PSG6: variants seen among roughly 807,000 people sequenced by gnomAD.
The protein encoded by PSG6 is pregnancy-specific beta-1-glycoprotein 6.
PSG6 carries 51 observed loss-of-function variants against 43.3 expected under a neutral mutation model. The ratio of observed to expected loss-of-function variants is 1.18; its 90% CI spans 0.94 to 1.49. PSG6 has a LOEUF of 1.49. Ranked by LOEUF, PSG6 falls within the 40% of genes most tolerant of loss-of-function variation. PSG6 has a pLI of 0.00. For missense variants in PSG6, 770 were observed against 522.2 expected (o/e 1.47, Z -4.62); for synonymous variants, 292 against 197.6 (o/e 1.48, Z -4.01).
intron 3 of PSG6, among the ~76,000 whole-genome samples, chr19:42,908,399 T>C (rs1442633532): frequency 6.6e-6 from 1 of 151,732 alleles, no homozygotes; most frequent in East Asian, 1.9e-4. Context: ...GAGTCAAGCC[T>C]GTAGGTCAGT....
intron 5 of PSG6, among the ~76,000 whole-genome samples, chr19:42,904,692 T>A (rs553922938): frequency 1.3e-5 from 2 of 151,804 alleles, no homozygotes; most frequent in South Asian, 4.2e-4. Flanking sequence ...GAAGACTCAA[T>A]ATTGTTAGGA....
chr19:42,904,713 G>A (rs188297820), intron 5 of PSG6, among the ~76,000 whole-genome samples: 9 of 151,648 alleles, frequency 5.9e-5, no homozygotes, highest in Admixed American at 1.3e-4. Context: ...GGACAGTGCT[G>A]CCCAAAGTGA....
At chr19:42,914,188 G>C (rs145871572) in intron 2 of PSG6, among the ~76,000 whole-genome samples, 2 of 151,510 alleles carry the variant, frequency 1.3e-5, no homozygotes, top group East Asian at 1.9e-4. Flanking sequence ...ACAGTGGAAG[G>C]TTTCTCTTAG....
intron 5 of PSG6, 70 bp from the exon 6 acceptor site, chr19:42,902,516 C>T (rs552440628): frequency 1.9e-6 from 3 of 1,584,234 alleles, no homozygotes; most frequent in East Asian, 2.3e-5. Context: ...AGCTTCTTTC[C>T]CACAGGCTCC....
intron 5 of PSG6, among the ~76,000 whole-genome samples, chr19:42,902,934 T>G (rs1036695976): frequency 6.6e-5 from 10 of 151,668 alleles, no homozygotes; most frequent in African/African-American, 2.4e-4. Flanking sequence ...AGGTAGGTAC[T>G]GTTGAGGTGC....
intron 4 of PSG6, 84 bp downstream of exon 4, chr19:42,907,492 C>A: frequency 6.3e-7 from 1 of 1,583,920 alleles, no homozygotes; most frequent in Non-Finnish European, 8.6e-7. Context: ...TATACTTGGA[C>A]CGGAGAGAGA....
At position 42,908,271 on chromosome 19, in the gene PSG6, C is replaced by T. The variant is rs563643064; in HGVS notation, c.707-417G>A. ...TGTGATTTCTCTGCAGCTTCCATTT[C>T]CAAGGACATTCTAGAGATGAGTAAT... On this transcript the variant is annotated intron_variant, in intron 3 of 5. Coordinates refer to ENST00000187910, the MANE Select transcript of PSG6 (RefSeq NM_001031850.4). Among the ~76,000 whole-genome samples the T allele has an allele frequency of 6.1e-4, 92 of 151,828 alleles. 5 individuals are homozygous for T. The Middle Eastern group carries it at 0.014, about 22-fold the overall frequency.
chr19:42,904,289 G>A (rs1457804308), intron 5 of PSG6, among the ~76,000 whole-genome samples: 3 of 151,500 alleles, frequency 2.0e-5, no homozygotes, highest in African/African-American at 7.3e-5. Context: ...AGTAGTGAAA[G>A]GTCTAATCAG....
chr19:42,910,726 G>A lies in PSG6; in HGVS notation c.560C>T (p.Pro187Leu). 5 of 1,612,334 alleles carry A rather than the reference G, an allele frequency of 3.1e-6. No homozygotes were observed. Among genetic ancestry groups the A allele is most frequent in the Non-Finnish European group, 4.2e-6 (5 of 1,179,240 alleles). Residue 187 changes from proline (P) to leucine (L), a missense_variant, in exon 3 of 6, where the codon CCT becomes CTT. By Grantham distance (98) the Pro-to-Leu change is moderately conservative (BLOSUM62 -3). Transcript: ENST00000187910. ...YLWLLNGQNLPMTHRLQLSKT... is the reference protein window; with the variant it reads ...YLWLLNGQNLLMTHRLQLSKT... ...GGACAGCTGCAACCTGTGAGTCATA[G>A]GGAGGTTCTGACCATTCAGCAACCA...
chr19:42,916,626 A>ACAC, intron 1 of PSG6, 139 bp from the exon 2 acceptor site: 1 of 1,316,358 alleles, frequency 7.6e-7, no homozygotes, highest in Non-Finnish European at 1.0e-6. Flanking sequence ...ACACACACAC[A>ACAC]AAAGGGCATG....
At position 42,917,769 on chromosome 19, in the gene PSG6, G is replaced by C; in HGVS notation, c.24C>G (p.Pro8=). 1.2e-6 allele frequency: 2 copies of C among 1,610,284 alleles called. No individual in the cohort carries two copies. Among genetic ancestry groups the C allele is most frequent in the Non-Finnish European group, 1.7e-6 (2 of 1,177,956 alleles). MGPLSAP[P]CTQHITWKGL... Reference sequence around the variant, plus strand: ...CCTTCCAGGTGATGTGCTGAGTGCAGGGAGGGGCTGAGAGGGGTCCCATGG... The same window carrying C: ...CCTTCCAGGTGATGTGCTGAGTGCACGGAGGGGCTGAGAGGGGTCCCATGG... Residue 8 remains proline, a synonymous_variant, in exon 1 of 6, where the codon CCC becomes CCG. Coordinates refer to ENST00000187910, the MANE Select transcript of PSG6 (RefSeq NM_001031850.4).
At chr19:42,913,913 T>C (rs1283327353) in intron 2 of PSG6, among the ~76,000 whole-genome samples, 1 of 151,660 alleles carries the variant, frequency 6.6e-6, no homozygotes, top group Admixed American at 6.6e-5. Flanking sequence ...CTTGAAAATC[T>C]CTAACACCTG....
chr19:42,917,353 T>C (rs1380443057), intron 1 of PSG6, among the ~76,000 whole-genome samples: 2 of 141,014 alleles, frequency 1.4e-5, no homozygotes, highest in East Asian at 2.2e-4. Flanking sequence ...TTTTCTTTCT[T>C]CTTTTTATTC....
At position 42,902,936 on chromosome 19, in the gene PSG6, T is replaced by C. The variant is rs184515867; in HGVS notation, c.1241-490A>G. Among the ~76,000 whole-genome samples, 30 of 151,778 alleles carry C rather than the reference T, an allele frequency of 2.0e-4. 1 individual carries two copies. Among genetic ancestry groups the C allele is most frequent in the African/African-American group, 7.0e-4 (29 of 41,396 alleles). On this transcript the variant is annotated intron_variant, in intron 5 of 5. Transcript: ENST00000187910. ...TATCTATGGAAAAAGGTAGGTACTG[T>C]TGAGGTGCACTTTCTATGTGCCAGG...
At chr19:42,913,965 C>T (rs1234457914) in intron 2 of PSG6, among the ~76,000 whole-genome samples, 3 of 151,688 alleles carry the variant, frequency 2.0e-5, no homozygotes, top group African/African-American at 4.8e-5. Context: ...AAACCTCCAC[C>T]CTCCTGTTTG....
In PSG6 at chr19:42,916,419, C is replaced by T. The variant is rs1221983591; in HGVS notation, c.133G>A (p.Val45Ile). ...QVIIEAKPPK[V>I]SEGKDVLLLV... is the part of the protein sequence containing the mutation. ...AGAAGAACATCCTTCCCCTCGGAAACTTTGGGTGGCTTGGCTTCAATTATT... is the reference window on the plus strand; with the variant it reads ...AGAAGAACATCCTTCCCCTCGGAAATTTTGGGTGGCTTGGCTTCAATTATT... Residue 45 changes from valine to isoleucine, a missense_variant, in exon 2 of 6, where the codon GTT becomes ATT. By Grantham distance (29) the Val-to-Ile change is conservative. Transcript: ENST00000187910. 1 of 1,611,928 alleles carries T rather than the reference C, an allele frequency of 6.2e-7. No individual in the cohort carries two copies. The highest frequency in any genetic ancestry group is 8.5e-7 in the Non-Finnish European group (1 of 1,179,086).
rs764754374 is a variant in PSG6 at position 42,907,760 on chromosome 19, G to A, written c.801C>T (p.Asn267=). The change falls in exon 4 of 6, where the codon AAC becomes AAT. Residue 267 remains asparagine, a synonymous_variant. Transcript: ENST00000187910. The part of the protein sequence containing the change: ...LAFTCEPKSR[N]YTYIWWLNGQ... The stretch of plus-strand genomic sequence containing the variant: ...CATTTAGCCACCAAATGTAGGTGTA[G>A]TTCCGACTCTTAGGTTCACAGGTGA... The A allele has an allele frequency of 5.0e-6, 8 of 1,610,782 alleles. No homozygotes were observed. The highest frequency in any genetic ancestry group is 6.8e-6 in the Non-Finnish European group (8 of 1,179,122).
At chr19:42,906,855 C>T (rs1972120771) in intron 5 of PSG6, 67 bp downstream of exon 5, 3 of 1,610,582 alleles carry the variant, frequency 1.9e-6, no homozygotes, top group Admixed American at 1.7e-5. Flanking sequence ...GTTTTCCTGA[C>T]TCTTCTCTGA....
At chr19:42,915,189 C>A (rs1972302016) in intron 2 of PSG6, 1 of 151,634 alleles carries the variant, frequency 6.6e-6, no homozygotes, top group Non-Finnish European at 1.5e-5. Flanking sequence ...GGCTCAGTGA[C>A]TGTGCCTTCC....
Sources: allele counts gnomAD v4.1 joint callset (sites outside exome capture counted in the v4.1 genomes callset), GRCh38; gene constraint gnomAD v4.1.1; transcripts MANE v1.5; gene names NCBI Gene and HGNC (gene_info 2026-07-23, HGNC 2026-07-21).